The following MAPK8 variants were observed in gnomAD, a reference collection of about 807,000 sequenced individuals.
The protein encoded by MAPK8 is JUN N-terminal kinase.
MAPK8 carries 13 observed loss-of-function variants against 52.9 expected under a neutral mutation model. The ratio of observed to expected loss-of-function variants is 0.25; its 90% CI spans 0.16 to 0.39. The LOEUF is 0.39. Ranked by LOEUF, MAPK8 falls within the 10% of genes least tolerant of loss-of-function variation. MAPK8 has a pLI of 1.00. For synonymous variants in MAPK8, 191 were observed against 169.8 expected (o/e 1.12, Z -0.97); for missense variants, 300 against 519.2 (o/e 0.58, Z 4.10).
chr10:48,338,658 C>T (rs1219149451), intron 1 of MAPK8, among the ~76,000 whole-genome samples: 2 of 152,042 alleles, frequency 1.3e-5, no homozygotes, highest in African/African-American at 4.8e-5. Context: ...ATGACATGAT[C>T]CTGTACCTAA....
At chr10:48,427,928 T>C (rs187322529) in intron 10 of MAPK8, among the ~76,000 whole-genome samples, 2 of 152,340 alleles carry the variant, frequency 1.3e-5, no homozygotes, top group Non-Finnish European at 2.9e-5. Flanking sequence ...TTAAATTGTG[T>C]CCAGTCTGTT....
chr10:48,344,208 G>A (rs566447235), intron 1 of MAPK8, among the ~76,000 whole-genome samples: 1 of 152,358 alleles, frequency 6.6e-6, no homozygotes, highest in East Asian at 1.9e-4. Flanking sequence ...GGTCACTTCT[G>A]AAAATTGTTA....
At chr10:48,385,635 C>G (rs2041268920) in intron 1 of MAPK8, among the ~76,000 whole-genome samples, 1 of 151,846 alleles carries the variant, frequency 6.6e-6, no homozygotes, top group African/African-American at 2.4e-5. Context: ...ATTAGCCAGG[C>G]TTTAGGCCTT....
At chr10:48,326,075 A>G (rs535372820) in intron 1 of MAPK8, 10 of 151,952 alleles carry the variant, frequency 6.6e-5, no homozygotes, top group Non-Finnish European at 1.2e-4. Flanking sequence ...CCTCCTTTTC[A>G]TACTGTAATA....
intron 1 of MAPK8, among the ~76,000 whole-genome samples, chr10:48,399,937 C>T (rs1176169658): frequency 1.3e-5 from 2 of 152,234 alleles, no homozygotes; most frequent in African/African-American, 4.8e-5. Context: ...TTATTACTGT[C>T]TCCATGTCCC....
At position 48,437,082 on chromosome 10, in the gene MAPK8, A is replaced by C. The variant is rs1024064951; in HGVS notation, c.*2053A>C. On this transcript the variant is annotated 3_prime_UTR_variant, in exon 12 of 12. Transcript: ENST00000374189. Reference sequence around the variant, plus strand: ...GATACAGATTTTGGTTAAGTAAGGAAAACCAGGTGTGTGTCTGTATCATTT... The same window carrying C: ...GATACAGATTTTGGTTAAGTAAGGACAACCAGGTGTGTGTCTGTATCATTT... 3.2e-4 allele frequency: 48 copies of C among 152,220 alleles called. No homozygotes were observed. The highest frequency in any genetic ancestry group is 1.1e-3 in the African/African-American group (44 of 41,454). 9.4% of individuals were successfully genotyped at this position (152,220 alleles called of 1,614,324 possible). A position where few individuals can be genotyped will look rare whatever the true frequency, so the allele number is the denominator to read the frequency against.
rs763758430 is a variant in MAPK8, at chr10:48,434,950, T to A, written c.1205T>A (p.Met402Lys). 1.2e-6 allele frequency: 2 copies of A among 1,613,196 alleles called. No individual in the cohort carries two copies. The highest frequency in any genetic ancestry group is 1.7e-6 in the Non-Finnish European group (2 of 1,179,760). ...SSSSVNDVSSMSTDPTLASDT... is the reference protein window; with the variant it reads ...SSSSVNDVSSKSTDPTLASDT... ...TCGTCTGTCAATGATGTGTCTTCAA[T>A]GTCAACAGATCCGACTTTGGCCTCT... Residue 402 changes from methionine (M) to lysine (K), a missense_variant, in exon 12 of 12, where the codon ATG becomes AAG. Transcript: ENST00000374189.
intron 1 of MAPK8, among the ~76,000 whole-genome samples, chr10:48,361,397 G>C (rs1225272760): frequency 6.6e-6 from 1 of 152,086 alleles, no homozygotes; most frequent in Non-Finnish European, 1.5e-5. Flanking sequence ...GTTCTCAGCT[G>C]TTTTCCACTT....
At chr10:48,324,564 A>G (rs572986486) in intron 1 of MAPK8, among the ~76,000 whole-genome samples, 12 of 140,564 alleles carry the variant, frequency 8.5e-5, no homozygotes. Context: ...GCCATTTGTC[A>G]TATAGAATGT....
At chr10:48,315,125 T>C (rs781700619) in intron 1 of MAPK8, among the ~76,000 whole-genome samples, 1 of 152,220 alleles carries the variant, frequency 6.6e-6, no homozygotes, top group South Asian at 2.1e-4. Context: ...TTATTTCTCT[T>C]CCTTTTCAGA....
At chr10:48,366,917 A>G (rs899038935) in intron 1 of MAPK8, among the ~76,000 whole-genome samples, 2 of 152,144 alleles carry the variant, frequency 1.3e-5, no homozygotes, top group Admixed American at 6.5e-5. Context: ...TCCCTGCTAC[A>G]TAATCACCAA....
intron 6 of MAPK8, among the ~76,000 whole-genome samples, chr10:48,420,695 A>G (rs1041891133): frequency 5.9e-5 from 9 of 152,200 alleles, no homozygotes; most frequent in African/African-American, 1.9e-4. Flanking sequence ...ATATTTGCCT[A>G]TATTTCCAAC....
chr10:48,426,115 AGT>A, intron 8 of MAPK8, 45 bp downstream of exon 8: 7 of 1,511,562 alleles, frequency 4.6e-6, no homozygotes, highest in Non-Finnish European at 5.4e-6. Context: ...TGGGGTGTGT[AGT>A]GTGTGTGTAT....
intron 1 of MAPK8, among the ~76,000 whole-genome samples, chr10:48,317,728 C>T (rs540338068): frequency 3.3e-5 from 5 of 151,910 alleles, no homozygotes; most frequent in African/African-American, 7.2e-5. Flanking sequence ...TGTGCCCTTG[C>T]GAGGAAGTTT....
rs139831814 is a variant in MAPK8, at chr10:48,370,986, T to C, written c.-49-30626T>C. Among the ~76,000 whole-genome samples the C allele has an allele frequency of 3.4e-3, 517 of 152,134 alleles. 3 individuals carry two copies. Among genetic ancestry groups the C allele is most frequent in the South Asian group, 0.017 (84 of 4,818 alleles). On this transcript the variant is annotated intron_variant, in intron 1 of 11. Coordinates refer to ENST00000374189, the MANE Select transcript of MAPK8 (RefSeq NM_001323329.2). ...AAAGATGCTTACAAGCTTTGAGAATTTGTGAAGAAACTCAAAAGAGGTTGA... is the reference window on the plus strand; with the variant it reads ...AAAGATGCTTACAAGCTTTGAGAATCTGTGAAGAAACTCAAAAGAGGTTGA...
rs997951969 is a variant in MAPK8, at chr10:48,436,591, A to G, written c.*1562A>G. On this transcript the variant is annotated 3_prime_UTR_variant, in exon 12 of 12. Transcript: ENST00000374189. ...ATTTGTGACCAACAGGAGCAAGAAC[A>G]GGTGCGGCTCAACATGCAATGTCTG... 2 of 152,256 alleles carry G rather than the reference A, an allele frequency of 1.3e-5. No homozygotes were observed. Among genetic ancestry groups the G allele is most frequent in the African/African-American group, 2.4e-5 (1 of 41,476 alleles). 9.4% of individuals were successfully genotyped at this position (152,256 alleles called of 1,614,324 possible). A position where few individuals can be genotyped will look rare whatever the true frequency, so the allele number is the denominator to read the frequency against.
intron 1 of MAPK8, among the ~76,000 whole-genome samples, chr10:48,369,179 G>A (rs1486800071): frequency 6.6e-6 from 1 of 152,142 alleles, no homozygotes; most frequent in Non-Finnish European, 1.5e-5. Context: ...CAGGGGAAGG[G>A]AACTAAAGGA....
At chr10:48,354,833 C>T (rs911739977) in intron 1 of MAPK8, among the ~76,000 whole-genome samples, 2 of 152,018 alleles carry the variant, frequency 1.3e-5, no homozygotes, top group Non-Finnish European at 2.9e-5. Flanking sequence ...GATAATTTAT[C>T]CCCATAATGG....
chr10:48,433,880 C>T (rs765243592), intron 11 of MAPK8, among the ~76,000 whole-genome samples: 2 of 152,148 alleles, frequency 1.3e-5, no homozygotes, highest in Non-Finnish European at 2.9e-5. Flanking sequence ...GCTCAGTGTT[C>T]CATTTGAAGA....
Sources: gnomAD v4.1 joint callset for allele counts (sites outside exome capture counted in the v4.1 genomes callset) on GRCh38, gnomAD v4.1.1 for gene constraint, MANE v1.5 for transcripts, NCBI Gene and HGNC (gene_info 2026-07-23, HGNC 2026-07-21) for gene names.